Variants in NFIC observed in about 807,000 individuals in gnomAD.
NFIC encodes the protein nuclear factor 1 C-type.
Under a neutral mutation model 54.4 loss-of-function variants are expected in NFIC, and 12 were observed. That is an observed-to-expected ratio of 0.22 (90% CI 0.14 to 0.36). The LOEUF (loss-of-function observed/expected upper bound fraction) is 0.36. Ranked by LOEUF, NFIC falls within the 10% of genes least tolerant of loss-of-function variation. The pLI is 1.00. For missense variants in NFIC, 575 were observed against 718.2 expected (o/e 0.80, Z 2.28); for synonymous variants, 322 against 319.2 (o/e 1.01, Z -0.09).
intron 2 of NFIC, among the ~76,000 whole-genome samples, chr19:3,389,644 T>C (rs565023190): frequency 6.6e-6 from 1 of 152,222 alleles, no homozygotes; most frequent in Admixed American, 6.5e-5. Flanking sequence ...GCATTAAAGA[T>C]TGGAGTCAGT....
At chr19:3,444,854 C>T (rs758527658) in intron 6 of NFIC, among the ~76,000 whole-genome samples, 6 of 152,212 alleles carry the variant, frequency 3.9e-5, no homozygotes, top group East Asian at 3.9e-4. Context: ...CATATATGCA[C>T]GCACGTGCAC....
At chr19:3,445,075 G>A (rs145476480) in intron 6 of NFIC, among the ~76,000 whole-genome samples, 9 of 151,966 alleles carry the variant, frequency 5.9e-5, no homozygotes, top group South Asian at 2.1e-4. Flanking sequence ...ATATGCAGGC[G>A]TGCACACGTC....
chr19:3,407,509 A>T (rs2081672674), intron 2 of NFIC, among the ~76,000 whole-genome samples: 1 of 151,334 alleles, frequency 6.6e-6, no homozygotes, highest in African/African-American at 2.4e-5. Flanking sequence ...ATCTTGGTTC[A>T]CCGTGCCCTC....
At chr19:3,396,354 C>G (rs2081462882) in intron 2 of NFIC, among the ~76,000 whole-genome samples, 1 of 151,930 alleles carries the variant, frequency 6.6e-6, no homozygotes, top group Admixed American at 6.6e-5. Context: ...CGCCTGTAGT[C>G]CCAGCTACTC....
chr19:3,423,564 G>GC (rs1017337995), intron 2 of NFIC, among the ~76,000 whole-genome samples: 1 of 152,132 alleles, frequency 6.6e-6, no homozygotes, highest in African/African-American at 2.4e-5. Flanking sequence ...TTGTCCACCT[G>GC]CCCCCCAACT....
intron 10 of NFIC, among the ~76,000 whole-genome samples, chr19:3,461,017 C>T (rs528412077): frequency 3.3e-5 from 5 of 151,860 alleles, no homozygotes; most frequent in South Asian, 2.1e-4. Flanking sequence ...CCTAGCTACT[C>T]GGGAGGCTGA....
rs1302585888 is a variant in NFIC at position 3,382,208 on chromosome 19, T to G, written c.527T>G (p.Leu176Arg). 6.2e-7 allele frequency: 1 copy of G among 1,607,724 alleles called. No homozygotes were observed. The highest frequency in any genetic ancestry group is 8.5e-7 in the Non-Finnish European group (1 of 1,179,770). The change falls in exon 2 of 11, where the codon CTG becomes CGG. Residue 176 changes from leucine (L) to arginine (R), a missense_variant. Transcript: ENST00000443272. ...PHHIGVAVKE[L>R]DLYLAYFVRE... is the part of the protein sequence containing the mutation. Reference sequence around the variant, plus strand: ...CACATTGGCGTGGCCGTCAAGGAGCTGGACCTCTACCTGGCCTACTTCGTG... The same window carrying G: ...CACATTGGCGTGGCCGTCAAGGAGCGGGACCTCTACCTGGCCTACTTCGTG...
chr19:3,452,637 T>A lies in NFIC; in HGVS notation c.1240T>A (p.Cys414Ser). 6.2e-7 allele frequency: 1 copy of A among 1,611,366 alleles called. No individual in the cohort carries two copies. The highest frequency in any genetic ancestry group is 8.5e-7 in the Non-Finnish European group (1 of 1,178,900). The change falls in exon 8 of 11, where the codon TGC (cysteine) becomes AGC (serine). Residue 414 changes from cysteine (C) to serine (S), a missense_variant. By Grantham distance (112) the Cys-to-Ser change is moderately radical (BLOSUM62 -1). Around this residue, in one of 3 missense-constraint regions of NFIC, gnomAD observed 447 missense variants for 526.9 expected, o/e 0.85. Transcript: ENST00000443272. The surrounding 1 kb of genome is among the most constrained non-coding windows in gnomAD (Gnocchi z 5.3). ...DPLKDLVSLA[C>S]DPASQQPGPL... Reference sequence around the variant, plus strand: ...GCTCAAAGATCTTGTCTCGCTGGCCTGCGACCCAGCCAGCCAGCAACCTGG... The same window carrying A: ...GCTCAAAGATCTTGTCTCGCTGGCCAGCGACCCAGCCAGCCAGCAACCTGG...
At chr19:3,386,143 T>G (rs1483954130) in intron 2 of NFIC, among the ~76,000 whole-genome samples, 2 of 151,322 alleles carry the variant, frequency 1.3e-5, no homozygotes, top group Non-Finnish European at 2.9e-5. Context: ...TCCCAGCACT[T>G]TGGGAGGCCA....
chr19:3,467,766 T>TATATATATATATATATATATATATATAC lies in NFIC; in HGVS notation c.*5020_*5021insTATACATATATATATATATATATATATA, dbSNP rs1568211413. 4.0e-5 allele frequency: 5 copies of TATATATATATATATATATATATATATAC among 126,406 alleles called. No individual in the cohort carries two copies. Among genetic ancestry groups the TATATATATATATATATATATATATATAC allele is most frequent in the Non-Finnish European group, 8.0e-5 (5 of 62,608 alleles). 7.8% of individuals were successfully genotyped at this position (126,406 alleles called of 1,614,324 possible). On this transcript the variant is annotated 3_prime_UTR_variant, in exon 11 of 11. Coordinates refer to ENST00000443272, the MANE Select transcript of NFIC (RefSeq NM_001245002.2). ...TGTAGGGCTATACTATACATATATA[T>TATATATATATATATATATATATATATAC]ATATATATATATATATATATATAAT...
chr19:3,380,065 A>G (rs1325860174), intron 1 of NFIC, among the ~76,000 whole-genome samples: 4 of 151,576 alleles, frequency 2.6e-5, no homozygotes, highest in East Asian at 2.0e-4. Flanking sequence ...CAGTGGCGCA[A>G]TCTCGGCTCA....
chr19:3,382,232 T>A lies in NFIC; in HGVS notation c.551T>A (p.Val184Glu). ...KELDLYLAYF[V>E]RERDAEQSGS... Reference sequence around the variant, plus strand: ...CTGGACCTCTACCTGGCCTACTTCGTGCGTGAGCGAGGTGAGGTGTGGTGG... The same window carrying A: ...CTGGACCTCTACCTGGCCTACTTCGAGCGTGAGCGAGGTGAGGTGTGGTGG... The change falls in exon 2 of 11, where the codon GTG (valine) becomes GAG (glutamate). Residue 184 changes from valine (V) to glutamate (E), a missense_variant. Transcript: ENST00000443272. 3.1e-6 allele frequency: 5 copies of A among 1,601,848 alleles called. No individual in the cohort carries two copies. The highest frequency in any genetic ancestry group is 4.2e-6 in the Non-Finnish European group (5 of 1,178,810).
chr19:3,455,307 C>T (rs890161346), intron 9 of NFIC, among the ~76,000 whole-genome samples: 5 of 151,900 alleles, frequency 3.3e-5, no homozygotes, highest in Non-Finnish European at 7.4e-5. Context: ...ACTCAGGGCT[C>T]GATGGGATTA....
At chr19:3,442,970 G>A (rs1200498150) in intron 6 of NFIC, among the ~76,000 whole-genome samples, 1 of 152,240 alleles carries the variant, frequency 6.6e-6, no homozygotes, top group African/African-American at 2.4e-5. Flanking sequence ...ACTGGCCGGT[G>A]TCTAGGGACA....
intron 2 of NFIC, among the ~76,000 whole-genome samples, chr19:3,389,697 T>G: frequency 6.6e-6 from 1 of 152,122 alleles, no homozygotes; most frequent in East Asian, 1.9e-4. Flanking sequence ...AAATGCTCAC[T>G]TCCGGCCGGG....
chr19:3,391,561 C>T (rs2081377480), intron 2 of NFIC, among the ~76,000 whole-genome samples: 1 of 152,068 alleles, frequency 6.6e-6, no homozygotes, highest in Admixed American at 6.6e-5. Context: ...CTTTGGGAGG[C>T]CGAGGCAGGC....
At chr19:3,379,044 A>G (rs529982893) in intron 1 of NFIC, among the ~76,000 whole-genome samples, 5 of 151,986 alleles carry the variant, frequency 3.3e-5, no homozygotes, top group African/African-American at 1.2e-4. Flanking sequence ...AAGCTTTCGT[A>G]GTCATTTTTT....
Position 3,453,823 on chromosome 19 carries a change from C to T in NFIC, c.1330C>T (p.Pro444Ser). The change falls in exon 9 of 11, where the codon CCT becomes TCT. Residue 444 changes from proline to serine, a missense_variant. Physicochemically the swap from Pro to Ser is moderately conservative, Grantham distance 74. This residue lies in a region of NFIC where 447 missense variants were observed against 526.9 expected (regional missense o/e 0.85). Transcript: ENST00000443272. The surrounding 1 kb of genome is among the most constrained non-coding windows in gnomAD (Gnocchi z 6.7). ...SHCLSAQMLA[P>S]PPPGLPRLAL... is the part of the protein sequence containing the mutation. The stretch of plus-strand genomic sequence containing the variant: ...CTGCCTTTCTGCTCAGATGCTGGCA[C>T]CTCCGCCCCCGGGGCTGCCACGGCT... The T allele has an allele frequency of 1.9e-6, 3 of 1,598,652 alleles. No individual in the cohort carries two copies. Among genetic ancestry groups the T allele is most frequent in the Non-Finnish European group, 1.7e-6 (2 of 1,173,386 alleles).
chr19:3,399,041 G>A (rs1201620934), intron 2 of NFIC, among the ~76,000 whole-genome samples: 3 of 152,252 alleles, frequency 2.0e-5, no homozygotes, highest in Non-Finnish European at 4.4e-5. Context: ...GCAGAGGCTT[G>A]GGCTGTGACG....
Sources: allele counts gnomAD v4.1 joint callset (sites outside exome capture counted in the v4.1 genomes callset), GRCh38; gene constraint gnomAD v4.1.1; regional missense constraint gnomAD v4.1.1; non-coding constraint Gnocchi (gnomAD v3.1); transcripts MANE v1.5; gene names NCBI Gene and HGNC (gene_info 2026-07-23, HGNC 2026-07-21).